Variants in INTS15 observed in about 807,000 individuals in gnomAD.
INTS15 encodes uncharacterized protein C7orf26.
At chr7:6,591,523 C>G in the INTS15 span, 1 of 808,010 alleles carries the variant, frequency 1.2e-6, no homozygotes, top group South Asian at 1.6e-5. Flanking sequence ...CTTGGCCTCC[C>G]AAAGTGCTGG....
At chr7:6,603,897 G>A in the INTS15 span, among the ~76,000 whole-genome samples, 9 of 151,876 alleles carry the variant, frequency 5.9e-5, no homozygotes, top group Admixed American at 1.3e-4. Context: ...CTATTCATTC[G>A]GGCGGCTGAC....
chr7:6,601,464 T>G, the INTS15 span, among the ~76,000 whole-genome samples: 33 of 151,758 alleles, frequency 2.2e-4, no homozygotes, highest in Non-Finnish European at 4.4e-4. Flanking sequence ...TCTGGCTAAT[T>G]TTTGTATTTT....
At chr7:6,601,745 C>G in the INTS15 span, among the ~76,000 whole-genome samples, 2 of 150,936 alleles carry the variant, frequency 1.3e-5, no homozygotes, top group African/African-American at 4.9e-5. Context: ...CAACCTCCCT[C>G]TCCCAGGTTC....
chr7:6,602,003 T>C, the INTS15 span: 10 of 1,074,242 alleles, frequency 9.3e-6, no homozygotes, highest in East Asian at 2.2e-4. Context: ...TATGAGGCGC[T>C]CTTGCTGTCT....
At chr7:6,608,277 G>A in the INTS15 span, 3 of 1,470,356 alleles carry the variant, frequency 2.0e-6, no homozygotes, top group South Asian at 4.0e-5. Context: ...CCTCCCCGCC[G>A]GCAGAACCGT....
At chr7:6,607,674 A>T in the INTS15 span, 13 of 1,515,208 alleles carry the variant, frequency 8.6e-6, no homozygotes, top group African/African-American at 1.4e-5. This position sits in a 1 kb window ranked among gnomAD's most constrained non-coding sequence, Gnocchi z 6.0. Flanking sequence ...AGAGAGCCGC[A>T]GAGGCTGACG....
chr7:6,590,894 A>G, the INTS15 span, among the ~76,000 whole-genome samples: 1 of 148,124 alleles, frequency 6.8e-6, no homozygotes. Context: ...GCAGGAGTGC[A>G]GTGGTGCAAT....
chr7:6,599,321 T>C, the INTS15 span, among the ~76,000 whole-genome samples: 1 of 152,010 alleles, frequency 6.6e-6, no homozygotes, highest in Non-Finnish European at 1.5e-5. Flanking sequence ...GTTGCTTAGA[T>C]GAGGGTTCCA....
chr7:6,597,230 T>A, the INTS15 span, among the ~76,000 whole-genome samples: 1 of 152,064 alleles, frequency 6.6e-6, no homozygotes, highest in South Asian at 2.1e-4. Context: ...GGAGTGGTAT[T>A]CAGGTCTTTC....
chr7:6,605,074 C>G, the INTS15 span, among the ~76,000 whole-genome samples: 1 of 152,092 alleles, frequency 6.6e-6, no homozygotes, highest in Admixed American at 6.5e-5. Context: ...CTCACTGCAA[C>G]CTCCGCGTCC....
the INTS15 span, among the ~76,000 whole-genome samples, chr7:6,596,822 G>A: frequency 5.9e-5 from 9 of 152,056 alleles, no homozygotes; most frequent in Non-Finnish European, 1.0e-4. Context: ...TCGCTCTGTC[G>A]CCCAGGCTGG....
chr7:6,593,407 T>C, the INTS15 span, among the ~76,000 whole-genome samples: 1 of 144,564 alleles, frequency 6.9e-6, no homozygotes, highest in Admixed American at 7.1e-5. Context: ...CTCGGCTCAC[T>C]GCAAGCTCTG....
chr7:6,601,219 C>T, the INTS15 span, among the ~76,000 whole-genome samples: 9 of 152,158 alleles, frequency 5.9e-5, no homozygotes, highest in Non-Finnish European at 1.2e-4. Flanking sequence ...GATCTTCCTG[C>T]CTCAGCCTCC....
At chr7:6,597,913 A>T in the INTS15 span, among the ~76,000 whole-genome samples, 1 of 152,190 alleles carries the variant, frequency 6.6e-6, no homozygotes, top group Non-Finnish European at 1.5e-5. Context: ...GAAGATACCC[A>T]CATAATTATA....
chr7:6,608,327 A>T, the INTS15 span: 4,256 of 1,428,326 alleles, frequency 3.0e-3, 101 homozygotes, highest in South Asian at 0.042. Context: ...ACCCGGTCGC[A>T]TTCTTTGACA....
the INTS15 span, chr7:6,607,885 CG>C: frequency 6.4e-7 from 1 of 1,572,644 alleles, no homozygotes; most frequent in Non-Finnish European, 8.6e-7. The surrounding 1 kb of genome is among the most constrained non-coding windows in gnomAD (Gnocchi z 6.0). Flanking sequence ...TGCGGGGGGA[CG>C]GGGTCAGCCT....
the INTS15 span, among the ~76,000 whole-genome samples, chr7:6,594,054 G>A: frequency 8.1e-6 from 1 of 123,578 alleles, no homozygotes; most frequent in Non-Finnish European, 1.6e-5. Flanking sequence ...TGTTGCCCAC[G>A]CTGGAGTGCA....
At chr7:6,601,127 C>A in the INTS15 span, among the ~76,000 whole-genome samples, 12 of 152,158 alleles carry the variant, frequency 7.9e-5, no homozygotes, top group Non-Finnish European at 1.6e-4. Flanking sequence ...CCACCACACC[C>A]AGCTAATTTT....
At chr7:6,598,745 G>GTGTGTA in the INTS15 span, among the ~76,000 whole-genome samples, 1 of 95,880 alleles carries the variant, frequency 1.0e-5, no homozygotes, top group Non-Finnish European at 1.9e-5. Context: ...TTGTGTGTGT[G>GTGTGTA]TGTGTGTGTG....
Sources: allele counts gnomAD v4.1 joint callset (sites outside exome capture counted in the v4.1 genomes callset), GRCh38; gene constraint gnomAD v4.1.1; non-coding constraint Gnocchi (gnomAD v3.1); transcripts MANE v1.5; gene names NCBI Gene and HGNC (gene_info 2026-07-23, HGNC 2026-07-21).